XRN2: variants seen among roughly 807,000 people sequenced by gnomAD.
XRN2 encodes the protein DHM1-like protein.
XRN2 carries 44 observed loss-of-function variants against 138.5 expected under a neutral mutation model. The observed-to-expected ratio is 0.32, with a 90% CI of 0.25 to 0.41. The LOEUF is 0.41. Ranked by LOEUF, XRN2 falls within the 10% of genes least tolerant of loss-of-function variation. The pLI, the probability that XRN2 is intolerant of heterozygous loss-of-function variation, is 1.00. For missense variants in XRN2, 937 were observed against 1,169.3 expected (o/e 0.80, Z 2.90); for synonymous variants, 354 against 369.4 (o/e 0.96, Z 0.48).
At chr20:21,332,694 A>ACAGAGACGAATCTTTT (rs1415365749) in intron 9 of XRN2, among the ~76,000 whole-genome samples, 2 of 151,858 alleles carry the variant, frequency 1.3e-5, no homozygotes, top group Non-Finnish European at 2.9e-5. Context: ...GACAGTCTCG[A>ACAGAGACGAATCTTTT]CAGAGACGAA....
At position 21,389,324 on chromosome 20, in the gene XRN2, T is replaced by C. The variant is rs776017450; in HGVS notation, c.2839T>C (p.Tyr947His). The change falls in exon 30 of 30, where the codon TAC becomes CAC. Residue 947 changes from tyrosine (Y) to histidine (H), a missense_variant. Physicochemically the swap from Tyr to His is moderately conservative, Grantham distance 83. Around this residue, in one of 6 missense-constraint regions of XRN2, gnomAD observed 372 missense variants for 414.4 expected, o/e 0.90. Transcript: ENST00000377191. ...CCCTTTGCCACCACCCTCAGGAAGA[T>C]ACAATTGGAATTAAGCTTTTGTAAA... ...KYPLPPPSGR[Y>H]NWN 1 of 1,613,044 alleles carries C rather than the reference T, an allele frequency of 6.2e-7. No individual in the cohort carries two copies. The highest frequency in any genetic ancestry group is 8.5e-7 in the Non-Finnish European group (1 of 1,179,502).
intron 1 of XRN2, among the ~76,000 whole-genome samples, chr20:21,309,195 C>G (rs1027944732): frequency 3.3e-5 from 5 of 152,094 alleles, no homozygotes; most frequent in Non-Finnish European, 5.9e-5. Context: ...AATTGAGTTC[C>G]TTCAGTTTTT....
At chr20:21,312,336 G>A (rs192016445) in intron 1 of XRN2, among the ~76,000 whole-genome samples, 1 of 152,100 alleles carries the variant, frequency 6.6e-6, no homozygotes, top group African/African-American at 2.4e-5. Flanking sequence ...GTGTTAGCCA[G>A]GATGGTCTCT....
chr20:21,338,680 T>C (rs972742339), intron 13 of XRN2, among the ~76,000 whole-genome samples: 2 of 152,152 alleles, frequency 1.3e-5, no homozygotes, highest in African/African-American at 4.8e-5. Flanking sequence ...AATTGTTGAG[T>C]TGTTTATTTT....
intron 23 of XRN2, 126 bp downstream of exon 23, chr20:21,356,791 C>G (rs1203024018): frequency 1.2e-6 from 1 of 847,324 alleles, no homozygotes; most frequent in Non-Finnish European, 1.8e-6. Flanking sequence ...AAGACAAAAC[C>G]TTGCTGACTG....
chr20:21,359,383 A>AT (rs2038611573), intron 24 of XRN2, among the ~76,000 whole-genome samples: 1 of 152,066 alleles, frequency 6.6e-6, no homozygotes, highest in Non-Finnish European at 1.5e-5. Flanking sequence ...AAAACTGCAA[A>AT]AAATTAGCTG....
rs1284580271 is a variant in XRN2, at chr20:21,348,581, T to G, written c.1863+151T>G. 8.3e-6 allele frequency: 6 copies of G among 726,702 alleles called. No individual in the cohort carries two copies. The East Asian group carries it at 1.1e-4, about 13-fold the overall frequency. 45.0% of individuals were successfully genotyped at this position (726,702 alleles called of 1,614,324 possible). A position where few individuals can be genotyped will look rare whatever the true frequency, so the allele number is the denominator to read the frequency against. ...CCAAACACACATATATTTCCTGCTTTCTTTGGCCCTGCACAGTAAATCAGT... is the reference window on the plus strand; with the variant it reads ...CCAAACACACATATATTTCCTGCTTGCTTTGGCCCTGCACAGTAAATCAGT... On this transcript the variant is annotated intron_variant, in intron 19 of 29. Transcript: ENST00000377191.
At chr20:21,325,543 T>G (rs1380639660) in intron 1 of XRN2, among the ~76,000 whole-genome samples, 1 of 152,156 alleles carries the variant, frequency 6.6e-6, no homozygotes, top group Non-Finnish European at 1.5e-5. Flanking sequence ...TGGAAATTAG[T>G]AATTTTTCAG....
chr20:21,383,271 A>G (rs1243432062), intron 28 of XRN2, among the ~76,000 whole-genome samples: 1 of 152,194 alleles, frequency 6.6e-6, no homozygotes, highest in East Asian at 1.9e-4. Context: ...CACAAATTTT[A>G]AGCAGAAATT....
At chr20:21,337,288 G>A (rs531027781) in intron 13 of XRN2, among the ~76,000 whole-genome samples, 1 of 152,338 alleles carries the variant, frequency 6.6e-6, no homozygotes, top group South Asian at 2.1e-4. Flanking sequence ...TAGCAGTGGA[G>A]ATCATCAGAG....
intron 1 of XRN2, among the ~76,000 whole-genome samples, chr20:21,315,176 G>T (rs543491129): frequency 3.9e-4 from 60 of 152,342 alleles, no homozygotes; most frequent in African/African-American, 1.4e-3. Flanking sequence ...GGAGGGACAG[G>T]AGCAAGGCTG....
chr20:21,370,113 GTCCTT>G (rs2122323498), intron 27 of XRN2, among the ~76,000 whole-genome samples: 2 of 152,252 alleles, frequency 1.3e-5, no homozygotes, highest in African/African-American at 4.8e-5. Flanking sequence ...TGAAGAGACT[GTCCTT>G]TCCTCAGTGT....
chr20:21,328,090 T>C (rs1036512770), intron 3 of XRN2, among the ~76,000 whole-genome samples: 1 of 152,316 alleles, frequency 6.6e-6, no homozygotes, highest in African/African-American at 2.4e-5. Flanking sequence ...TAGTTTTCTG[T>C]TGCTTTTATG....
intron 28 of XRN2, among the ~76,000 whole-genome samples, chr20:21,382,780 C>T (rs1441307997): frequency 3.3e-5 from 5 of 152,172 alleles, no homozygotes; most frequent in African/African-American, 4.8e-5. Context: ...TACGACAAGA[C>T]AACTAGGCAC....
chr20:21,381,061 A>G (rs968672843), intron 27 of XRN2, among the ~76,000 whole-genome samples: 1 of 152,144 alleles, frequency 6.6e-6, no homozygotes, highest in Non-Finnish European at 1.5e-5. Context: ...AACCATATAT[A>G]TTTTTGGTTT....
At chr20:21,326,635 G>GT (rs200920750) in intron 3 of XRN2, 34 bp downstream of exon 3, 25,339 of 1,493,240 alleles carry the variant, frequency 0.017, 140 homozygotes, top group East Asian at 0.027. Flanking sequence ...CCTCCATTTT[G>GT]TTTTTTTTTG....
At chr20:21,384,447 C>T (rs1254270587) in intron 28 of XRN2, among the ~76,000 whole-genome samples, 1 of 152,184 alleles carries the variant, frequency 6.6e-6, no homozygotes, top group African/African-American at 2.4e-5. Context: ...TTGCTATCTA[C>T]GATGCCAAAT....
At chr20:21,380,881 A>G (rs1038683922) in intron 27 of XRN2, among the ~76,000 whole-genome samples, 1 of 152,332 alleles carries the variant, frequency 6.6e-6, no homozygotes, top group Non-Finnish European at 1.5e-5. Flanking sequence ...AACTTTCTTC[A>G]GTCTGGCCTT....
chr20:21,369,509 T>C (rs1243033796), intron 27 of XRN2, among the ~76,000 whole-genome samples: 2 of 152,214 alleles, frequency 1.3e-5, no homozygotes, highest in Non-Finnish European at 1.5e-5. Flanking sequence ...AGTTCCCTTT[T>C]CTCCATATCC....
Sources: allele counts gnomAD v4.1 joint callset (sites outside exome capture counted in the v4.1 genomes callset), GRCh38; gene constraint gnomAD v4.1.1; regional missense constraint gnomAD v4.1.1; transcripts MANE v1.5; gene names NCBI Gene and HGNC (gene_info 2026-07-23, HGNC 2026-07-21).